TBX18: variants seen among roughly 807,000 people sequenced by gnomAD.
TBX18 encodes the protein T-box transcription factor TBX18.
TBX18 carries 21 observed loss-of-function variants against 55.0 expected under a neutral mutation model. That is an observed-to-expected ratio of 0.38 (90% confidence interval 0.27 to 0.55). The LOEUF is 0.55. Ranked by LOEUF, TBX18 falls within the 20% of genes least tolerant of loss-of-function variation. The pLI is 0.73. For synonymous variants in TBX18, 342 were observed against 326.1 expected (o/e 1.05, Z -0.53); for missense variants, 840 against 799.6 (o/e 1.05, Z -0.61).
At position 84,762,710 on chromosome 6, in the gene TBX18, G is replaced by T; in HGVS notation, c.331C>A (p.Leu111Met). 6.2e-7 allele frequency: 1 copy of T among 1,610,788 alleles called. No individual in the cohort carries two copies. Among genetic ancestry groups the T allele is most frequent in the Non-Finnish European group, 8.5e-7 (1 of 1,179,082 alleles). ...TTGGGGGAGCCTCCCGGTGACGCCA[G>T]AGGGGAAGCTCCCTGCTGGAAGCCG... is the stretch of plus-strand genomic sequence containing the variant. ...EDGFQQGASP[L>M]ASPGGSPKGS... Residue 111 changes from leucine (L) to methionine (M), a missense_variant, in exon 2 of 8, where the codon CTG (leucine) becomes ATG (methionine). Leu to Met is a conservative substitution (Grantham distance 15). Transcript: ENST00000369663.
At chr6:84,744,441 C>G in intron 5 of TBX18, 116 bp from the exon 6 acceptor site, 1 of 747,218 alleles carries the variant, frequency 1.3e-6, no homozygotes, top group Non-Finnish European at 2.2e-6. Flanking sequence ...ATTGTATAAG[C>G]CTCTTTTATT....
chr6:84,737,369 A>C lies in TBX18; in HGVS notation c.1140T>G (p.Asn380Lys), dbSNP rs1582062839. The change falls in exon 8 of 8, where the codon AAT (asparagine) becomes AAG (lysine). Residue 380 changes from asparagine (N) to lysine (K), a missense_variant. Physicochemically the swap from Asn to Lys is moderately conservative, Grantham distance 94 (BLOSUM62 0). Transcript: ENST00000369663. The stretch of plus-strand genomic sequence containing the variant: ...GGTGAGGGTGAGTGGCAGGAACGCC[A>C]TTCCCAGTACCTTGGAGCAAGGTGG... ...SSSTLLQGTG[N>K]GVPATHPHLL... The C allele has an allele frequency of 6.5e-7, 1 of 1,548,936 alleles. No homozygotes were observed. The highest frequency in any genetic ancestry group is 8.7e-7 in the Non-Finnish European group (1 of 1,150,344).
chr6:84,760,824 AAAC>A (rs1263274984), intron 2 of TBX18, among the ~76,000 whole-genome samples: 12 of 152,228 alleles, frequency 7.9e-5, no homozygotes, highest in Non-Finnish European at 1.5e-4. Context: ...TGCTATAACC[AAAC>A]AATATGTTCT....
chr6:84,748,098 G>A lies in TBX18; in HGVS notation c.772-11C>T. On this transcript the variant is annotated splice_polypyrimidine_tract_variant and intron_variant, in intron 4 of 7. Coordinates refer to ENST00000369663, the MANE Select transcript of TBX18 (RefSeq NM_001080508.3). ...AGAATGAAGAATAATCTATATCAAA[G>A]AAGGAAAAGCTGAATTTATCAGAAG... 1.9e-6 allele frequency: 3 copies of A among 1,585,398 alleles called. No homozygotes were observed. The highest frequency in any genetic ancestry group is 2.6e-6 in the Non-Finnish European group (3 of 1,160,254).
At position 84,735,337 on chromosome 6, in the gene TBX18, T is replaced by A. The variant is rs564401811; in HGVS notation, c.*1348A>T. The A allele has an allele frequency of 2.6e-5, 4 of 152,344 alleles. No homozygotes were observed. The South Asian group carries it at 8.3e-4, about 32-fold the overall frequency. 9.4% of individuals were successfully genotyped at this position (152,344 alleles called of 1,614,324 possible). ...ATATATTATTTTAGGAATTAAAAAA[T>A]TTAATACTGATTTTAATTTCTCCAG... On this transcript the variant is annotated 3_prime_UTR_variant, in exon 8 of 8. Coordinates refer to ENST00000369663, the MANE Select transcript of TBX18 (RefSeq NM_001080508.3).
intron 1 of TBX18, among the ~76,000 whole-genome samples, 158 bp downstream of exon 1, chr6:84,763,732 C>T (rs952696249): frequency 2.6e-5 from 4 of 152,186 alleles, no homozygotes; most frequent in African/African-American, 7.2e-5. Flanking sequence ...TGGAGGGTGA[C>T]CAGGTTGCGC....
intron 3 of TBX18, among the ~76,000 whole-genome samples, chr6:84,758,162 C>T (rs1004519247): frequency 6.6e-6 from 1 of 152,072 alleles, no homozygotes; most frequent in African/African-American, 2.4e-5. Context: ...AATCCCAACA[C>T]TTTGGGAGGC....
Position 84,748,838 on chromosome 6 carries a change from T to A in TBX18, c.772-751A>T, listed in dbSNP as rs563627155. Among the ~76,000 whole-genome samples, 5 of 152,316 alleles carry A rather than the reference T, an allele frequency of 3.3e-5. No individual in the cohort carries two copies. The East Asian group carries it at 9.6e-4, about 29-fold the overall frequency. ...TCATGTACAAAGACGGGCATCAGAT[T>A]ATTTGTAACAGTAGAAAAACTATAA... is the stretch of plus-strand genomic sequence containing the variant. On this transcript the variant is annotated intron_variant, in intron 4 of 7. Transcript: ENST00000369663.
chr6:84,763,911 C>G lies in TBX18; in HGVS notation c.271G>C (p.Asp91His). 12 of 1,551,604 alleles carry G rather than the reference C, an allele frequency of 7.7e-6. No individual in the cohort carries two copies. Among genetic ancestry groups the G allele is most frequent in the Non-Finnish European group, 1.0e-5 (12 of 1,155,776 alleles). ...ATSGPARSGA[D>H]LERGAAGGCE... ...TCACCCGCGGCTCCGCGCTCCAGGT[C>G]TGCGCCACTCCGAGCCGGCCCAGAC... The change falls in exon 1 of 8, where the codon GAC (aspartate) becomes CAC (histidine). Residue 91 changes from aspartate (D) to histidine (H), a missense_variant. Physicochemically the swap from Asp to His is moderately conservative, Grantham distance 81. Coordinates refer to ENST00000369663, the MANE Select transcript of TBX18 (RefSeq NM_001080508.3).
chr6:84,745,559 G>A (rs1046666426), intron 5 of TBX18, among the ~76,000 whole-genome samples: 5 of 152,002 alleles, frequency 3.3e-5, no homozygotes, highest in Non-Finnish European at 5.9e-5. Context: ...TTAGTATGTG[G>A]ATAAAACTAT....
intron 2 of TBX18, 152 bp from the exon 3 acceptor site, chr6:84,760,508 A>G: frequency 1.9e-6 from 1 of 527,912 alleles, no homozygotes; most frequent in Non-Finnish European, 3.3e-6. Context: ...AGGAGTCAGG[A>G]CATAGAACAT....
Position 84,760,448 on chromosome 6 carries a change from T to C in TBX18, c.498-92A>G, listed in dbSNP as rs1246274081. The C allele has an allele frequency of 4.2e-6, 3 of 708,976 alleles. No homozygotes were observed. The East Asian group carries it at 8.3e-5, about 20-fold the overall frequency. 43.9% of individuals were successfully genotyped at this position (708,976 alleles called of 1,614,324 possible). ...TAAGCAAAGAAACCTCTTGGATCTC[T>C]ATTTTTAATATGGATAAATTTATAG... On this transcript the variant is annotated intron_variant, in intron 2 of 7. Coordinates refer to ENST00000369663, the MANE Select transcript of TBX18 (RefSeq NM_001080508.3).
At chr6:84,745,895 T>G (rs532749692) in intron 5 of TBX18, among the ~76,000 whole-genome samples, 62 of 152,178 alleles carry the variant, frequency 4.1e-4, no homozygotes, top group Non-Finnish European at 7.6e-4. Context: ...GAGCAACTTA[T>G]GTATAGCTAT....
In TBX18 at chr6:84,760,306, T is replaced by C. The variant is rs1415000519; in HGVS notation, c.548A>G (p.Gln183Arg). The C allele has an allele frequency of 1.9e-6, 3 of 1,608,576 alleles. No individual in the cohort carries two copies. The highest frequency in any genetic ancestry group is 2.5e-6 in the Non-Finnish European group (3 of 1,176,836). Residue 183 changes from glutamine to arginine, a missense_variant, in exon 3 of 8, where the codon CAG becomes CGG. Gln to Arg is a conservative substitution (Grantham distance 43). Coordinates refer to ENST00000369663, the MANE Select transcript of TBX18 (RefSeq NM_001080508.3). ...AATATCCATGGCAATGTAATATTGC[T>C]GGTGAGGATCTAATCCAGAGATCTT... is the stretch of plus-strand genomic sequence containing the variant. ...RVKISGLDPH[Q>R]QYYIAMDIVP...
At position 84,736,794 on chromosome 6, in the gene TBX18, A is replaced by T. The variant is rs1766876407; in HGVS notation, c.1715T>A (p.Val572Glu). The T allele has an allele frequency of 1.9e-6, 3 of 1,614,084 alleles. No individual in the cohort carries two copies. Among genetic ancestry groups the T allele is most frequent in the Non-Finnish European group, 1.7e-6 (2 of 1,179,990 alleles). The change falls in exon 8 of 8, where the codon GTG (valine) becomes GAG (glutamate). Residue 572 changes from valine (V) to glutamate (E), a missense_variant. Coordinates refer to ENST00000369663, the MANE Select transcript of TBX18 (RefSeq NM_001080508.3). ...ACTGCTAAGCAGGTGCACTCCTTCC[A>T]CAGGGGGCAACATCTGCCGATCCGT... is the stretch of plus-strand genomic sequence containing the variant. ...TMTDRQMLPP[V>E]EGVHLLSSGG...
At chr6:84,750,500 G>A (rs1767319046) in intron 4 of TBX18, among the ~76,000 whole-genome samples, 1 of 152,034 alleles carries the variant, frequency 6.6e-6, no homozygotes. Flanking sequence ...GATATGCAGG[G>A]TTCTGTGTGA....
intron 5 of TBX18, among the ~76,000 whole-genome samples, chr6:84,745,034 ACTTT>A (rs1767146277): frequency 6.6e-6 from 1 of 152,136 alleles, no homozygotes. Flanking sequence ...TTTCACTTTA[ACTTT>A]CTTTCAAAAT....
chr6:84,744,394 A>C, intron 5 of TBX18, 69 bp from the exon 6 acceptor site: 2 of 1,380,908 alleles, frequency 1.4e-6, no homozygotes. Flanking sequence ...TGGTTGCAAA[A>C]CTACAATGAG....
rs1392190634 is a variant in TBX18 at position 84,748,081 on chromosome 6, G to T, written c.778C>A (p.Leu260Ile). The T allele has an allele frequency of 1.2e-6, 2 of 1,603,744 alleles. No homozygotes were observed. The highest frequency in any genetic ancestry group is 8.5e-7 in the Non-Finnish European group (1 of 1,173,342). ...GGTTGGTATTTGTGCATAGAATGAAGAATAATCTATATCAAAGAAGGAAAA... is the reference window on the plus strand; with the variant it reads ...GGTTGGTATTTGTGCATAGAATGAATAATAATCTATATCAAAGAAGGAAAA... Reference protein sequence around the residue: ...NELDDQGHIILHSMHKYQPRV... With the variant: ...NELDDQGHIIIHSMHKYQPRV... Residue 260 changes from leucine to isoleucine, a missense_variant, in exon 5 of 8, where the codon CTT (leucine) becomes ATT (isoleucine). Leu to Ile is a conservative substitution (Grantham distance 5, BLOSUM62 2). Transcript: ENST00000369663.
Sources: gnomAD v4.1 joint callset for allele counts (sites outside exome capture counted in the v4.1 genomes callset) on GRCh38, gnomAD v4.1.1 for gene constraint, MANE v1.5 for transcripts, NCBI Gene and HGNC (gene_info 2026-07-23, HGNC 2026-07-21) for gene names.